The following WASL variants were observed in gnomAD, a reference collection of about 807,000 sequenced individuals.
The protein encoded by WASL is actin nucleation-promoting factor WASL.
WASL carries 20 observed loss-of-function variants against 55.5 expected under a neutral mutation model. That is an observed-to-expected ratio of 0.36 (90% confidence interval 0.25 to 0.52). The LOEUF (loss-of-function observed/expected upper bound fraction) is 0.52, where lower values mean the gene tolerates loss of function less well. Ranked by LOEUF, WASL falls within the 20% of genes least tolerant of loss-of-function variation. The probability of loss-of-function intolerance (pLI) is 0.92; values close to 1 mark genes in which losing one functional copy is unlikely to be tolerated. For synonymous variants in WASL, 249 were observed against 217.6 expected, an observed-to-expected ratio of 1.14 and a Z score of -1.27; for missense variants, 504 against 622.5, an observed-to-expected ratio of 0.81 and a Z score of 2.03.
At chr7:123,714,629 T>C (rs1285631170) in intron 1 of WASL, among the ~76,000 whole-genome samples, 5 of 152,166 alleles carry the variant, frequency 3.3e-5, no homozygotes, top group Admixed American at 1.3e-4. Flanking sequence ...CAAATGTTTA[T>C]GAAGAACCTA....
chr7:123,712,042 C>T (rs1803766042), intron 1 of WASL, among the ~76,000 whole-genome samples: 2 of 152,148 alleles, frequency 1.3e-5, no homozygotes, highest in Non-Finnish European at 2.9e-5. Context: ...AATTCCCTCC[C>T]ACTGTCCTTC....
intron 10 of WASL, 68 bp from the exon 11 acceptor site, chr7:123,684,648 T>C: frequency 1.4e-6 from 2 of 1,441,240 alleles, no homozygotes; most frequent in Non-Finnish European, 1.8e-6. Flanking sequence ...TCTTGGGTGG[T>C]TTCTCCAATT....
intron 5 of WASL, among the ~76,000 whole-genome samples, 155 bp downstream of exon 5, chr7:123,704,479 A>T (rs1373499424): frequency 6.6e-6 from 1 of 152,180 alleles, no homozygotes; most frequent in Non-Finnish European, 1.5e-5. Context: ...ATTTGATCAT[A>T]GATACTAAAC....
intron 4 of WASL, 71 bp from the exon 5 acceptor site, chr7:123,704,728 C>G: frequency 1.9e-6 from 2 of 1,043,570 alleles, no homozygotes; most frequent in Non-Finnish European, 1.3e-6. Context: ...AAAATTAATT[C>G]ACTAAACTGT....
chr7:123,693,440 TG>T (rs1305781192), intron 8 of WASL, among the ~76,000 whole-genome samples: 1 of 152,224 alleles, frequency 6.6e-6, no homozygotes, highest in Non-Finnish European at 1.5e-5. Flanking sequence ...TATAGCATAA[TG>T]TCTGTATCTC....
intron 1 of WASL, among the ~76,000 whole-genome samples, chr7:123,746,402 T>A (rs1331582887): frequency 6.6e-6 from 1 of 152,232 alleles, no homozygotes; most frequent in Non-Finnish European, 1.5e-5. Context: ...ACACATTTGG[T>A]CTGACCTGTA....
At chr7:123,720,434 G>A (rs926801370) in intron 1 of WASL, 2 of 423,996 alleles carry the variant, frequency 4.7e-6, no homozygotes, top group African/African-American at 4.2e-5. Context: ...GTAAAAGTAA[G>A]GGTAGCATAT....
At chr7:123,730,561 T>C (rs1393191392) in intron 1 of WASL, among the ~76,000 whole-genome samples, 1 of 151,860 alleles carries the variant, frequency 6.6e-6, no homozygotes, top group East Asian at 1.9e-4. Context: ...TAAACATAAG[T>C]ATAACTGCTG....
At chr7:123,747,304 T>A (rs562706154) in intron 1 of WASL, among the ~76,000 whole-genome samples, 1 of 152,302 alleles carries the variant, frequency 6.6e-6, no homozygotes, top group South Asian at 2.1e-4. Context: ...TTAAAGTTGT[T>A]ACCCAAAATT....
chr7:123,689,510 T>G (rs761928923), intron 9 of WASL, among the ~76,000 whole-genome samples: 1 of 152,190 alleles, frequency 6.6e-6, no homozygotes, highest in African/African-American at 2.4e-5. Flanking sequence ...GATTTCATGT[T>G]ATAAACAGAG....
chr7:123,723,427 T>C (rs1216473027), intron 1 of WASL, among the ~76,000 whole-genome samples: 1 of 152,204 alleles, frequency 6.6e-6, no homozygotes, highest in Non-Finnish European at 1.5e-5. Flanking sequence ...GTAAATATTT[T>C]GAACGATGGC....
intron 1 of WASL, among the ~76,000 whole-genome samples, chr7:123,727,939 G>A (rs890454752): frequency 6.6e-6 from 1 of 152,144 alleles, no homozygotes; most frequent in Non-Finnish European, 1.5e-5. Flanking sequence ...AGATAAATTG[G>A]AAAGAAAGCT....
intron 1 of WASL, among the ~76,000 whole-genome samples, chr7:123,720,888 G>T (rs900181084): frequency 1.3e-5 from 2 of 151,072 alleles, no homozygotes; most frequent in South Asian, 4.2e-4. Flanking sequence ...AAAAAAAAAA[G>T]ACCTACTCAA....
At chr7:123,740,804 G>A (rs1804328379) in intron 1 of WASL, among the ~76,000 whole-genome samples, 1 of 151,980 alleles carries the variant, frequency 6.6e-6, no homozygotes. Flanking sequence ...CACGCTGGTG[G>A]CAAACTACTG....
chr7:123,740,240 G>A (rs956050165), intron 1 of WASL, among the ~76,000 whole-genome samples: 1 of 151,160 alleles, frequency 6.6e-6, no homozygotes, highest in African/African-American at 2.4e-5. Context: ...TCTTTCATTT[G>A]ATCACATTTT....
chr7:123,746,861 G>C (rs1804439905), intron 1 of WASL, among the ~76,000 whole-genome samples: 1 of 152,206 alleles, frequency 6.6e-6, no homozygotes, highest in Non-Finnish European at 1.5e-5. Flanking sequence ...TCTGCCTAAA[G>C]TTAATGTGTC....
intron 1 of WASL, among the ~76,000 whole-genome samples, chr7:123,721,047 A>AT (rs1803935918): frequency 6.6e-6 from 1 of 152,204 alleles, no homozygotes; most frequent in Admixed American, 6.5e-5. Context: ...TACAGTGCCT[A>AT]GGGGCTTAAA....
At chr7:123,692,912 A>T in intron 8 of WASL, 45 bp from the exon 9 acceptor site, 3 of 1,336,778 alleles carry the variant, frequency 2.2e-6, no homozygotes, top group Non-Finnish European at 2.9e-6. Flanking sequence ...TTTTCTTCTC[A>T]TAAACATCAT....
At chr7:123,689,293 T>C in intron 9 of WASL, 143 bp from the exon 10 acceptor site, 3 of 598,980 alleles carry the variant, frequency 5.0e-6, no homozygotes, top group Non-Finnish European at 2.9e-6. Flanking sequence ...ACAAGATTAA[T>C]CAAATTAACA....
Sources: gnomAD v4.1 joint callset for allele counts (sites outside exome capture counted in the v4.1 genomes callset) on GRCh38, gnomAD v4.1.1 for gene constraint, MANE v1.5 for transcripts, NCBI Gene and HGNC (gene_info 2026-07-23, HGNC 2026-07-21) for gene names.